The following ZNF512B variants were observed in gnomAD, a reference collection of about 807,000 sequenced individuals.
The protein encoded by ZNF512B is zinc finger protein 512B.
Under a neutral mutation model 87.8 loss-of-function variants are expected in ZNF512B, and 22 were observed. The ratio of observed to expected loss-of-function variants is 0.25; its 90% CI spans 0.18 to 0.36. The LOEUF is 0.36. ZNF512B is among the 10% of genes least tolerant of loss of function. The pLI is 1.00. For missense variants in ZNF512B, 1,060 were observed against 1,231.6 expected (o/e 0.86, Z 2.09); for synonymous variants, 524 against 490.9 (o/e 1.07, Z -0.89).
rs201755675 is a variant in ZNF512B, at chr20:63,962,228, C to T, written c.2265+45G>A. 32 of 1,552,462 alleles carry T rather than the reference C, an allele frequency of 2.1e-5. No homozygotes were observed. In the East Asian group the frequency reaches 6.5e-4, roughly 32 times the overall value. On this transcript the variant is annotated intron_variant, in intron 14 of 16. Coordinates refer to ENST00000369888, the MANE Select transcript of ZNF512B (RefSeq NM_020713.3). ...TCAGAGGGCCACACCCAGGCTCTGG[C>T]CCTGTATGGCTCCCCACGCCCCCCA...
Position 63,962,269 on chromosome 20 carries a change from T to G in ZNF512B, c.2265+4A>C. The stretch of plus-strand genomic sequence containing the variant: ...ACGCCCCCCACCCGGCTGCCTCCGC[T>G]CACGTCGTTGGGACAGTTGACGTGG... On this transcript the variant is annotated splice_donor_region_variant and intron_variant, in intron 14 of 16. Coordinates refer to ENST00000369888, the MANE Select transcript of ZNF512B (RefSeq NM_020713.3). 1 of 1,608,404 alleles carries G rather than the reference T, an allele frequency of 6.2e-7. No homozygotes were observed. The highest frequency in any genetic ancestry group is 8.5e-7 in the Non-Finnish European group (1 of 1,178,994).
At chr20:63,964,438 C>A (rs553147836) in intron 6 of ZNF512B, 47 bp from the exon 7 acceptor site, 1 of 1,613,622 alleles carries the variant, frequency 6.2e-7, no homozygotes, top group South Asian at 1.1e-5. Flanking sequence ...GTGAAATAAC[C>A]GTCAGGAGGC....
Position 63,966,309 on chromosome 20 carries a change from G to T in ZNF512B, c.866C>A (p.Pro289Gln), listed in dbSNP as rs754970855. 1 of 1,594,580 alleles carries T rather than the reference G, an allele frequency of 6.3e-7. No individual in the cohort carries two copies. The highest frequency in any genetic ancestry group is 2.2e-5 in the East Asian group (1 of 44,830). Residue 289 changes from proline to glutamine, a missense_variant, in exon 5 of 17, where the codon CCG (proline) becomes CAG (glutamine). By Grantham distance (76) the Pro-to-Gln change is moderately conservative. This residue lies in a region of ZNF512B where 201 missense variants were observed against 226.8 expected (regional missense o/e 0.89). Transcript: ENST00000369888. ...GCTGACTGTCACTGGCTTGGTGACC[G>T]GCACGGGTTTCGTAACTGTCACAAG... is the stretch of plus-strand genomic sequence containing the variant. ...TKLVTVTKPV[P>Q]VTKPVTVSRP...
chr20:63,963,038 G>A (rs962412491), intron 12 of ZNF512B, 57 bp downstream of exon 12: 32 of 1,477,104 alleles, frequency 2.2e-5, no homozygotes, highest in South Asian at 4.0e-5. Context: ...CAAGGCACAC[G>A]GAACACACAC....
chr20:63,966,289 C>T lies in ZNF512B; in HGVS notation c.886G>A (p.Val296Ile). The part of the protein sequence containing the change: ...KPVPVTKPVT[V>I]SRPIVVSKPV... ...TTGCTGACCACAATGGGCCTGCTGACTGTCACTGGCTTGGTGACCGGCACG... is the reference window on the plus strand; with the variant it reads ...TTGCTGACCACAATGGGCCTGCTGATTGTCACTGGCTTGGTGACCGGCACG... Residue 296 changes from valine to isoleucine, a missense_variant, in exon 5 of 17, where the codon GTC becomes ATC. Physicochemically the swap from Val to Ile is conservative, Grantham distance 29. Transcript: ENST00000369888. 3 of 1,612,694 alleles carry T rather than the reference C, an allele frequency of 1.9e-6. No homozygotes were observed. Among genetic ancestry groups the T allele is most frequent in the Non-Finnish European group, 2.5e-6 (3 of 1,179,272 alleles).
intron 12 of ZNF512B, 67 bp from the exon 13 acceptor site, chr20:63,962,848 G>A (rs908866978): frequency 1.8e-5 from 26 of 1,457,116 alleles, no homozygotes; most frequent in African/African-American, 2.8e-5. Context: ...AGCGCGCGGC[G>A]AGGCCACCCT....
chr20:63,962,771 T>C lies in ZNF512B; in HGVS notation c.1979A>G (p.Glu660Gly), dbSNP rs575504052. 6.3e-7 allele frequency: 1 copy of C among 1,596,962 alleles called. No homozygotes were observed. The highest frequency in any genetic ancestry group is 2.3e-5 in the East Asian group (1 of 44,424). The change falls in exon 13 of 17, where the codon GAG (glutamate) becomes GGG (glycine). Residue 660 changes from glutamate to glycine, a missense_variant. Physicochemically the swap from Glu to Gly is moderately conservative, Grantham distance 98. Coordinates refer to ENST00000369888, the MANE Select transcript of ZNF512B (RefSeq NM_020713.3). ...AGCCTCAGGGGACTTGTCTGTGGGC[T>C]CCTCAGGGGGCTGGAGGGCAGGAAG... The part of the protein sequence containing the change: ...RSEHTAPPPE[E>G]PTDKSPEAED...
chr20:63,964,257 T>C (rs756238454), intron 7 of ZNF512B, 40 bp from the exon 8 acceptor site: 2 of 1,612,112 alleles, frequency 1.2e-6, no homozygotes, highest in Non-Finnish European at 1.7e-6. Flanking sequence ...AGGGATGGGC[T>C]CAGGGGCTGT....
In ZNF512B at chr20:63,957,515, A is replaced by AG. The variant is rs1205152551; in HGVS notation, c.*2372dup. 6.6e-6 allele frequency: 1 copy of AG among 152,644 alleles called. No homozygotes were observed. Among genetic ancestry groups the AG allele is most frequent in the Non-Finnish European group, 1.5e-5 (1 of 68,160 alleles). 9.5% of individuals were successfully genotyped at this position (152,644 alleles called of 1,614,324 possible). A position where few individuals can be genotyped will look rare whatever the true frequency, so the allele number is the denominator to read the frequency against. ...ATGTGGCAGAGGGAGGGCAGAAAGG[A>AG]GGGGGTCAGACCCAACAGCCACTTC... On this transcript the variant is annotated 3_prime_UTR_variant, in exon 17 of 17. Transcript: ENST00000369888.
Position 63,962,255 on chromosome 20 carries a change from C to A in ZNF512B, c.2265+18G>T. 1 of 1,598,142 alleles carries A rather than the reference C, an allele frequency of 6.3e-7. No individual in the cohort carries two copies. The highest frequency in any genetic ancestry group is 8.5e-7 in the Non-Finnish European group (1 of 1,175,110). On this transcript the variant is annotated intron_variant, in intron 14 of 16. Transcript: ENST00000369888. ...CTGTATGGCTCCCCACGCCCCCCAC[C>A]CGGCTGCCTCCGCTCACGTCGTTGG... is the stretch of plus-strand genomic sequence containing the variant.
chr20:63,960,010 G>C lies in ZNF512B; in HGVS notation c.2557C>G (p.Pro853Ala). 4 of 1,613,502 alleles carry C rather than the reference G, an allele frequency of 2.5e-6. No individual in the cohort carries two copies. Among genetic ancestry groups the C allele is most frequent in the Non-Finnish European group, 3.4e-6 (4 of 1,180,012 alleles). ...GGCAGCTTGGCCACAGGCTCCTCTG[G>C]GGTCCGCTCCTTGGGCTTTCGGCCC... ...KRGRKPKERT[P>A]EEPVAKLPPR... Residue 853 changes from proline to alanine, a missense_variant, in exon 17 of 17, where the codon CCA becomes GCA. Pro to Ala is a conservative substitution (Grantham distance 27). Around this residue, in one of 9 missense-constraint regions of ZNF512B, gnomAD observed 253 missense variants for 259.2 expected, o/e 0.98. Transcript: ENST00000369888.
chr20:63,968,529 C>T (rs2058950555), intron 1 of ZNF512B, among the ~76,000 whole-genome samples: 1 of 152,196 alleles, frequency 6.6e-6, no homozygotes. Context: ...CAGGCAGGTA[C>T]CCTTGGAATC....
At position 63,963,880 on chromosome 20, in the gene ZNF512B, T is replaced by C. The variant is rs781315252; in HGVS notation, c.1514A>G (p.His505Arg). 1 of 1,612,106 alleles carries C rather than the reference T, an allele frequency of 6.2e-7. No individual in the cohort carries two copies. The highest frequency in any genetic ancestry group is 1.7e-5 in the Admixed American group (1 of 60,032). ...GGGGCAGACGGCTTCCCCGCGCTCA[T>C]GGATGGCCCTCTGCCACTGCTCTTC... ...GPEEQWQRAI[H>R]ERGEAVCPTC... The change falls in exon 9 of 17, where the codon CAT (histidine) becomes CGT (arginine). Residue 505 changes from histidine to arginine, a missense_variant. Coordinates refer to ENST00000369888, the MANE Select transcript of ZNF512B (RefSeq NM_020713.3).
At position 63,963,908 on chromosome 20, in the gene ZNF512B, G is replaced by A; in HGVS notation, c.1486C>T (p.Pro496Ser). 1 of 1,610,188 alleles carries A rather than the reference G, an allele frequency of 6.2e-7. No homozygotes were observed. The highest frequency in any genetic ancestry group is 8.5e-7 in the Non-Finnish European group (1 of 1,179,992). The change falls in exon 9 of 17, where the codon CCT (proline) becomes TCT (serine). Residue 496 changes from proline (P) to serine (S), a missense_variant. Coordinates refer to ENST00000369888, the MANE Select transcript of ZNF512B (RefSeq NM_020713.3). ...APVAHPAPGG[P>S]EEQWQRAIHE... The stretch of plus-strand genomic sequence containing the variant: ...ATGGCCCTCTGCCACTGCTCTTCAG[G>A]GCCACCTGTGGGTAAGGCAGGGGCC...
Position 63,967,777 on chromosome 20 carries a change from C to G in ZNF512B, c.121+53G>C, listed in dbSNP as rs531422288. Reference sequence around the variant, plus strand: ...CGCCCAGGGCAATGGTCCACTCCTACCACTTGCTGCCCAGAACCATCTGGA... The same window carrying G: ...CGCCCAGGGCAATGGTCCACTCCTAGCACTTGCTGCCCAGAACCATCTGGA... On this transcript the variant is annotated intron_variant, in intron 2 of 16. Transcript: ENST00000369888. 1.1e-4 allele frequency: 180 copies of G among 1,585,926 alleles called. No individual in the cohort carries two copies. In the African/African-American group the frequency reaches 2.0e-3, roughly 17 times the overall value.
intron 16 of ZNF512B, among the ~76,000 whole-genome samples, chr20:63,960,507 C>T (rs1246897537): frequency 1.7e-5 from 2 of 116,472 alleles, no homozygotes; most frequent in African/African-American, 3.3e-5. Context: ...AGGCACCTGC[C>T]GCAGGGCTGG....
rs1329004438 is a variant in ZNF512B, at chr20:63,962,579, C to T, written c.2163+8G>A. ...GCGCTGTCCACAGCCCTGGGGGGGG[C>T]AGCTCACCCGTGCGGTCTCGGGCAC... On this transcript the variant is annotated splice_region_variant and intron_variant, in intron 13 of 16. Transcript: ENST00000369888. 1 of 1,601,498 alleles carries T rather than the reference C, an allele frequency of 6.2e-7. No individual in the cohort carries two copies. Among genetic ancestry groups the T allele is most frequent in the Non-Finnish European group, 8.5e-7 (1 of 1,177,854 alleles).
chr20:63,964,646 G>A lies in ZNF512B; in HGVS notation c.1105C>T (p.Pro369Ser). Residue 369 changes from proline to serine, a missense_variant, in exon 6 of 17, where the codon CCC (proline) becomes TCC (serine). Physicochemically the swap from Pro to Ser is moderately conservative, Grantham distance 74. Coordinates refer to ENST00000369888, the MANE Select transcript of ZNF512B (RefSeq NM_020713.3). ...GCCGAGCTCTGGCCCATGGAGGAGGGGCCGTACTCCCCATTCTCTGGCCTG... is the reference window on the plus strand; with the variant it reads ...GCCGAGCTCTGGCCCATGGAGGAGGAGCCGTACTCCCCATTCTCTGGCCTG... ...QARPENGEYG[P>S]SSMGQSSAFQ... The A allele has an allele frequency of 1.2e-6, 2 of 1,612,662 alleles. No individual in the cohort carries two copies. Among genetic ancestry groups the A allele is most frequent in the East Asian group, 2.2e-5 (1 of 44,832 alleles).
rs2058924792 is a variant in ZNF512B at position 63,966,280 on chromosome 20, G to A, written c.895C>T (p.Pro299Ser). ...PVTKPVTVSR[P>S]IVVSKPVTVS... ...GTCACCGGCTTGCTGACCACAATGG[G>A]CCTGCTGACTGTCACTGGCTTGGTG... is the stretch of plus-strand genomic sequence containing the variant. The change falls in exon 5 of 17, where the codon CCC becomes TCC. Residue 299 changes from proline (P) to serine (S), a missense_variant. Pro to Ser is a moderately conservative substitution (Grantham distance 74, BLOSUM62 -1). This residue lies in a region of ZNF512B where 201 missense variants were observed against 226.8 expected (regional missense o/e 0.89). Transcript: ENST00000369888. The A allele has an allele frequency of 7.4e-6, 12 of 1,612,644 alleles. No individual in the cohort carries two copies. The highest frequency in any genetic ancestry group is 9.3e-6 in the Non-Finnish European group (11 of 1,179,298).
Sources: gnomAD v4.1 joint callset for allele counts (sites outside exome capture counted in the v4.1 genomes callset) on GRCh38, gnomAD v4.1.1 for gene constraint, gnomAD v4.1.1 regional missense constraint, MANE v1.5 for transcripts, NCBI Gene and HGNC (gene_info 2026-07-23, HGNC 2026-07-21) for gene names.